The following COL22A1 variants were observed in gnomAD, a reference collection of about 807,000 sequenced individuals.
COL22A1 encodes collagen alpha-1(XXII) chain.
Under a neutral mutation model 248.9 loss-of-function variants are expected in COL22A1, and 221 were observed. That is an observed-to-expected ratio of 0.89 (90% CI 0.80 to 0.99). The LOEUF is 0.99. COL22A1 is among the 50% of genes least tolerant of loss of function. COL22A1 has a pLI of 0.00. For synonymous variants in COL22A1, 891 were observed against 793.4 expected (o/e 1.12, Z -2.07); for missense variants, 2,240 against 2,179.0 (o/e 1.03, Z -0.56).
At chr8:138,736,315 G>A (rs1259238060) in intron 23 of COL22A1, among the ~76,000 whole-genome samples, 1 of 151,900 alleles carries the variant, frequency 6.6e-6, no homozygotes, top group African/African-American at 2.4e-5. Flanking sequence ...AGGATGAAGG[G>A]AATTCTGTAC....
Position 138,724,677 on chromosome 8 carries a change from G to A in COL22A1, c.2194-9C>T. ...ATCTCTCCAGGCAAACCCTGAAAGG[G>A]GACCACATGGACCCTGTTAGCCTGG... On this transcript the variant is annotated splice_polypyrimidine_tract_variant and intron_variant, in intron 24 of 64. Transcript: ENST00000303045. 1.2e-6 allele frequency: 2 copies of A among 1,613,566 alleles called. No homozygotes were observed. The highest frequency in any genetic ancestry group is 2.2e-5 in the East Asian group (1 of 44,878).
intron 22 of COL22A1, among the ~76,000 whole-genome samples, chr8:138,749,027 G>A (rs1355989745): frequency 1.3e-5 from 2 of 152,096 alleles, no homozygotes; most frequent in African/African-American, 4.8e-5. Context: ...GGTTTTACAA[G>A]GGAAACCCCT....
At chr8:138,794,322 G>A (rs1015375621) in intron 12 of COL22A1, among the ~76,000 whole-genome samples, 1 of 151,960 alleles carries the variant, frequency 6.6e-6, no homozygotes, top group African/African-American at 2.4e-5. Context: ...AGGAGGCAGA[G>A]GTTGCAGTGA....
In COL22A1 at chr8:138,725,395, C is replaced by T. The variant is rs1410880694; in HGVS notation, c.2185G>A (p.Gly729Ser). 1 of 1,614,018 alleles carries T rather than the reference C, an allele frequency of 6.2e-7. No homozygotes were observed. Among genetic ancestry groups the T allele is most frequent in the African/African-American group, 1.3e-5 (1 of 74,906 alleles). ...ATCAAAGCCAGTCTTACCGGAGAAC[C>T]TCCCGGTCCAGGGGGGCCTGGGACA... is the stretch of plus-strand genomic sequence containing the variant. ...PGVPGPPGPG[G>S]SPGLPGEIGF... is the part of the protein sequence containing the mutation. The change falls in exon 24 of 65, where the codon GGT (glycine) becomes AGT (serine). Residue 729 changes from glycine (G) to serine (S), a missense_variant. Coordinates refer to ENST00000303045, the MANE Select transcript of COL22A1 (RefSeq NM_152888.3).
intron 3 of COL22A1, among the ~76,000 whole-genome samples, chr8:138,870,112 A>T (rs936166216): frequency 6.6e-6 from 1 of 150,948 alleles, no homozygotes; most frequent in African/African-American, 2.4e-5. Flanking sequence ...TGTGTGGAGC[A>T]TGTGTCTGTG....
intron 54 of COL22A1, 142 bp downstream of exon 54, chr8:138,616,772 G>T: frequency 1.1e-6 from 1 of 886,466 alleles, no homozygotes. Context: ...GTGTCCCTGT[G>T]CTGGCTTGCT....
At chr8:138,673,476 T>G (rs949965258) in intron 41 of COL22A1, among the ~76,000 whole-genome samples, 1 of 152,162 alleles carries the variant, frequency 6.6e-6, no homozygotes, top group African/African-American at 2.4e-5. Context: ...CCCAAAGTGC[T>G]GGGATTACAG....
intron 12 of COL22A1, among the ~76,000 whole-genome samples, chr8:138,786,891 G>A (rs1487377481): frequency 6.6e-6 from 1 of 151,448 alleles, no homozygotes; most frequent in African/African-American, 2.4e-5. Context: ...CAGCCTGGGC[G>A]ACAGAGCTAG....
At chr8:138,719,590 C>T (rs999375432) in intron 27 of COL22A1, among the ~76,000 whole-genome samples, 13 of 152,134 alleles carry the variant, frequency 8.5e-5, no homozygotes, top group African/African-American at 3.1e-4. Context: ...TAAAAATGAC[C>T]ACTTTATGAA....
chr8:138,846,723 C>T (rs530116523), intron 3 of COL22A1, among the ~76,000 whole-genome samples: 5 of 152,164 alleles, frequency 3.3e-5, no homozygotes, highest in Non-Finnish European at 7.3e-5. Context: ...TCTTTTTGGC[C>T]AAGATATCCC....
Position 138,593,134 on chromosome 8 carries a change from G to T in COL22A1, c.4615+883C>A, listed in dbSNP as rs370526024. 2.3e-4 allele frequency among the ~76,000 whole-genome samples: 35 copies of T among 152,218 alleles called. No individual in the cohort carries two copies. The East Asian group carries it at 4.1e-3, about 18-fold the overall frequency. ...ACACAGGAACAGGAAGCCAAACACGGCATGTTCTCACTCATAAGTGGGAGC... is the reference window on the plus strand; with the variant it reads ...ACACAGGAACAGGAAGCCAAACACGTCATGTTCTCACTCATAAGTGGGAGC... On this transcript the variant is annotated intron_variant, in intron 63 of 64. Transcript: ENST00000303045.
chr8:138,867,770 G>GTTTA (rs957901161), intron 3 of COL22A1, among the ~76,000 whole-genome samples: 2 of 152,098 alleles, frequency 1.3e-5, no homozygotes, highest in South Asian at 2.1e-4. Flanking sequence ...TTTATTGTTT[G>GTTTA]TTTATTTATT....
intron 49 of COL22A1, among the ~76,000 whole-genome samples, chr8:138,633,777 A>G (rs1267398220): frequency 1.3e-5 from 2 of 152,214 alleles, no homozygotes; most frequent in African/African-American, 4.8e-5. Context: ...GTGCAAAGCA[A>G]CTACTAAGTG....
chr8:138,797,979 GTTT>G (rs138080376), intron 11 of COL22A1, among the ~76,000 whole-genome samples: 38,494 of 151,300 alleles, frequency 0.25, 5,016 homozygotes, highest in South Asian at 0.32. Flanking sequence ...CCAGTTTTCT[GTTT>G]TTTATTTTCA....
chr8:138,903,899 G>A (rs889538852), intron 1 of COL22A1, among the ~76,000 whole-genome samples: 3 of 152,060 alleles, frequency 2.0e-5, no homozygotes, highest in African/African-American at 2.4e-5. Flanking sequence ...TTTGGGGGGC[G>A]CTGACGGCCA....
intron 3 of COL22A1, among the ~76,000 whole-genome samples, chr8:138,859,980 T>C (rs1382591182): frequency 6.6e-6 from 1 of 152,132 alleles, no homozygotes; most frequent in Non-Finnish European, 1.5e-5. Flanking sequence ...AGTCTTTCCA[T>C]CCTCCATTTC....
At chr8:138,802,803 T>C in intron 11 of COL22A1, 69 bp downstream of exon 11, 1 of 1,217,954 alleles carries the variant, frequency 8.2e-7, no homozygotes. Flanking sequence ...ATTTGCATGA[T>C]CGGAGGGCCC....
chr8:138,807,170 A>G (rs754825952), intron 10 of COL22A1, among the ~76,000 whole-genome samples: 5 of 152,162 alleles, frequency 3.3e-5, no homozygotes, highest in Non-Finnish European at 5.9e-5. Flanking sequence ...GAAGGGAAAG[A>G]AAGGGAGGGG....
At chr8:138,649,815 T>C (rs1488829903) in intron 45 of COL22A1, 37 bp from the exon 46 acceptor site, 2 of 1,301,622 alleles carry the variant, frequency 1.5e-6, no homozygotes, top group African/African-American at 3.0e-5. Context: ...AAAGAGAGAA[T>C]AACTAGCAAA....
Sources: allele counts gnomAD v4.1 joint callset (sites outside exome capture counted in the v4.1 genomes callset), GRCh38; gene constraint gnomAD v4.1.1; transcripts MANE v1.5; gene names NCBI Gene and HGNC (gene_info 2026-07-23, HGNC 2026-07-21).